The following RBM34 variants were observed in gnomAD, a reference collection of about 807,000 sequenced individuals.
RBM34 encodes the protein RNA binding motif protein 34, also known as RNA-binding protein 34.
In RBM34, 39 loss-of-function variants were observed where a neutral mutation model predicts 44.6. The ratio of observed to expected loss-of-function variants is 0.87; its 90% CI spans 0.68 to 1.14. RBM34 has a LOEUF of 1.14. Ranked by LOEUF, RBM34 falls within the 50% of genes most tolerant of loss-of-function variation. The probability of loss-of-function intolerance (pLI) is 0.00; values close to 1 mark genes in which losing one functional copy is unlikely to be tolerated. For synonymous variants in RBM34, 194 were observed against 184.0 expected (o/e 1.05, Z -0.44); for missense variants, 572 against 517.9 (o/e 1.10, Z -1.01).
chr1:235,136,000 T>C (rs775739738), intron 9 of RBM34, 34 bp downstream of exon 9: 10 of 1,476,292 alleles, frequency 6.8e-6, no homozygotes, highest in Non-Finnish European at 8.4e-6. Context: ...ATTTATTTAG[T>C]AATATTAACT....
Position 235,154,985 on chromosome 1 carries a change from C to T in RBM34, c.493G>A (p.Val165Ile). The change falls in exon 4 of 11, where the codon GTT becomes ATT. Residue 165 changes from valine to isoleucine, a missense_variant. Physicochemically the swap from Val to Ile is conservative, Grantham distance 29. Transcript: ENST00000408888. ...TGAATTTTCTTTCTTTGACTGACAA[C>T]TGTGTCTTCTGTGTCATCAAGTATT... is the stretch of plus-strand genomic sequence containing the variant. The part of the protein sequence containing the change: ...RKILDDTEDT[V>I]VSQRKKIQIN... 1 of 1,613,994 alleles carries T rather than the reference C, an allele frequency of 6.2e-7. No individual in the cohort carries two copies. Among genetic ancestry groups the T allele is most frequent in the South Asian group, 1.1e-5 (1 of 91,086 alleles).
intron 10 of RBM34, among the ~76,000 whole-genome samples, chr1:235,135,237 T>C: frequency 1.4e-5 from 2 of 143,886 alleles, no homozygotes; most frequent in South Asian, 2.2e-4. Context: ...TATTTTTTTT[T>C]TTCCCCCTTG....
At chr1:235,148,524 A>C in intron 5 of RBM34, 77 bp from the exon 6 acceptor site, 2 of 1,088,192 alleles carry the variant, frequency 1.8e-6, no homozygotes, top group South Asian at 1.5e-5. Context: ...GTGAAGTCTA[A>C]GTATCTAACT....
chr1:235,148,378 C>T (rs1661999639), intron 6 of RBM34, 26 bp downstream of exon 6: 1 of 1,546,918 alleles, frequency 6.5e-7, no homozygotes, highest in Non-Finnish European at 8.8e-7. Flanking sequence ...TTTAAGGTGA[C>T]TCCCTTTCTC....
At chr1:235,154,658 CAGG>C (rs1385776362) in intron 4 of RBM34, among the ~76,000 whole-genome samples, 1 of 152,138 alleles carries the variant, frequency 6.6e-6, no homozygotes, top group Non-Finnish European at 1.5e-5. Flanking sequence ...AGAAACCAGG[CAGG>C]AGGTCACTGC....
In RBM34 at chr1:235,132,246, GT is replaced by G. The variant is rs889208352; in HGVS notation, c.1009-250del. On this transcript the variant is annotated intron_variant, in intron 10 of 10. Coordinates refer to ENST00000408888, the MANE Select transcript of RBM34 (RefSeq NM_015014.4). ...AAGTCACAATGCTACAGGCTTCGTG[GT>G]TTTTTTTTTTCATTGTAAAATGAGG... Among the ~76,000 whole-genome samples, 65 of 147,586 alleles carry G rather than the reference GT, an allele frequency of 4.4e-4. 1 individual carries two copies. The highest frequency in any genetic ancestry group is 1.3e-3 in the South Asian group (6 of 4,688).
intron 10 of RBM34, 152 bp from the exon 11 acceptor site, chr1:235,132,149 T>C: frequency 1.5e-6 from 1 of 670,282 alleles, no homozygotes; most frequent in Non-Finnish European, 2.4e-6. Flanking sequence ...GCACTCGAAG[T>C]CTCCTCATCA....
intron 10 of RBM34, among the ~76,000 whole-genome samples, chr1:235,133,135 A>G (rs1661283777): frequency 6.6e-6 from 1 of 152,188 alleles, no homozygotes; most frequent in Non-Finnish European, 1.5e-5. Flanking sequence ...TGAGCTCAGA[A>G]GTTGGAGACC....
chr1:235,148,436 C>G lies in RBM34; in HGVS notation c.669G>C (p.Glu223Asp), dbSNP rs752682269. Residue 223 changes from glutamate (E) to aspartate (D), a missense_variant, in exon 6 of 11, where the codon GAG (glutamate) becomes GAC (aspartate). By Grantham distance (45) the Glu-to-Asp change is conservative. Transcript: ENST00000408888. ...SVRFRSLIPAEGTLSKKLAAI... is the reference protein window; with the variant it reads ...SVRFRSLIPADGTLSKKLAAI... ...CTGCCAACTTTTTGGATAGCGTTCC[C>G]TCTGCTGGAATCTTTCAAGAGAAAA... 1 of 1,593,848 alleles carries G rather than the reference C, an allele frequency of 6.3e-7. No individual in the cohort carries two copies. Among genetic ancestry groups the G allele is most frequent in the Admixed American group, 1.8e-5 (1 of 56,700 alleles).
intron 3 of RBM34, 83 bp from the exon 4 acceptor site, chr1:235,155,195 C>A: frequency 1.9e-6 from 2 of 1,064,232 alleles, no homozygotes; most frequent in South Asian, 1.4e-5. Flanking sequence ...CCTACCCTCC[C>A]GACTAGAAAT....
intron 5 of RBM34, among the ~76,000 whole-genome samples, chr1:235,150,672 T>C (rs1662121300): frequency 6.6e-6 from 1 of 152,048 alleles, no homozygotes; most frequent in Admixed American, 6.6e-5. Context: ...AGGATGTATT[T>C]CACTGACAGA....
intron 6 of RBM34, among the ~76,000 whole-genome samples, chr1:235,141,872 G>T (rs893251331): frequency 6.6e-6 from 1 of 152,126 alleles, no homozygotes; most frequent in African/African-American, 2.4e-5. Context: ...AACATCAGAA[G>T]GAACAGACTC....
At chr1:235,141,917 G>A (rs1257790337) in intron 6 of RBM34, among the ~76,000 whole-genome samples, 4 of 152,196 alleles carry the variant, frequency 2.6e-5, no homozygotes, top group Non-Finnish European at 4.4e-5. Context: ...AACACTCACC[G>A]CGAGGGTCCG....
intron 3 of RBM34, among the ~76,000 whole-genome samples, chr1:235,159,497 A>C (rs1213187703): frequency 1.3e-5 from 2 of 151,126 alleles, no homozygotes; most frequent in Non-Finnish European, 3.0e-5. Flanking sequence ...GCAGTGAGTC[A>C]AGATTGCGCC....
Position 235,148,691 on chromosome 1 carries a change from T to C in RBM34, c.658-244A>G, listed in dbSNP as rs572692432. Among the ~76,000 whole-genome samples, 9 of 151,966 alleles carry C rather than the reference T, an allele frequency of 5.9e-5. No individual in the cohort carries two copies. The East Asian group carries it at 1.8e-3, about 30-fold the overall frequency. Reference sequence around the variant, plus strand: ...TCGGCTCATTGCAAGCTCCACCTGCTGGGTTCACAACATTCTCCTGCCTCA... The same window carrying C: ...TCGGCTCATTGCAAGCTCCACCTGCCGGGTTCACAACATTCTCCTGCCTCA... On this transcript the variant is annotated intron_variant, in intron 5 of 10. Coordinates refer to ENST00000408888, the MANE Select transcript of RBM34 (RefSeq NM_015014.4).
chr1:235,147,920 A>C (rs1442106542), intron 6 of RBM34, among the ~76,000 whole-genome samples: 7 of 152,120 alleles, frequency 4.6e-5, no homozygotes, highest in Non-Finnish European at 1.0e-4. Context: ...TGTAGGTTTC[A>C]TTCTTGACAC....
chr1:235,160,677 A>T lies in RBM34; in HGVS notation c.229-30T>A, dbSNP rs751346693. On this transcript the variant is annotated intron_variant, in intron 2 of 10. Coordinates refer to ENST00000408888, the MANE Select transcript of RBM34 (RefSeq NM_015014.4). ...TTAAAAGTTTGAAGTTATATTTGAGACCCCATACTTCTAGAATTCTGACCC... is the reference window on the plus strand; with the variant it reads ...TTAAAAGTTTGAAGTTATATTTGAGTCCCCATACTTCTAGAATTCTGACCC... 5.6e-6 allele frequency: 9 copies of T among 1,599,226 alleles called. No homozygotes were observed. The South Asian group carries it at 1.0e-4, about 18-fold the overall frequency.
intron 4 of RBM34, among the ~76,000 whole-genome samples, chr1:235,154,271 C>G (rs911531717): frequency 6.7e-6 from 1 of 149,466 alleles, no homozygotes. Flanking sequence ...GAGAGAGAGA[C>G]AGAATGATGA....
At chr1:235,159,001 C>G (rs1011482485) in intron 3 of RBM34, among the ~76,000 whole-genome samples, 3 of 150,896 alleles carry the variant, frequency 2.0e-5, no homozygotes, top group Non-Finnish European at 4.4e-5. Context: ...TCACTTGAGT[C>G]CAGCAGTTTG....
Sources: allele counts gnomAD v4.1 joint callset (sites outside exome capture counted in the v4.1 genomes callset), GRCh38; gene constraint gnomAD v4.1.1; transcripts MANE v1.5; gene names NCBI Gene and HGNC (gene_info 2026-07-23, HGNC 2026-07-21).